GTF2E1: variants seen among roughly 807,000 people sequenced by gnomAD.
GTF2E1 encodes the protein general transcription factor IIE subunit 1.
A neutral mutation model predicts 34.9 loss-of-function variants in GTF2E1; 14 were observed. The observed-to-expected ratio is 0.40, with a 90% CI of 0.27 to 0.63. The LOEUF (loss-of-function observed/expected upper bound fraction) is 0.63, where lower values mean the gene tolerates loss of function less well. GTF2E1 is among the 20% of genes least tolerant of loss of function. The pLI, the probability that GTF2E1 is intolerant of heterozygous loss-of-function variation, is 0.39. For synonymous variants in GTF2E1, 188 were observed against 192.9 expected (o/e 0.97, Z 0.21); for missense variants, 469 against 557.7 (o/e 0.84, Z 1.60).
intron 2 of GTF2E1, among the ~76,000 whole-genome samples, chr3:120,758,519 C>T (rs1709229688): frequency 6.6e-6 from 1 of 151,838 alleles, no homozygotes; most frequent in Non-Finnish European, 1.5e-5. Context: ...TTTGCTGCAC[C>T]CAACAACCCG....
intron 4 of GTF2E1, among the ~76,000 whole-genome samples, chr3:120,779,197 G>A (rs970269965): frequency 6.6e-6 from 1 of 152,090 alleles, no homozygotes; most frequent in African/African-American, 2.4e-5. Context: ...AATCTGTTAC[G>A]TGTGACTTAA....
intron 2 of GTF2E1, among the ~76,000 whole-genome samples, chr3:120,767,660 T>A (rs998624943): frequency 2.6e-5 from 4 of 152,188 alleles, no homozygotes; most frequent in African/African-American, 9.6e-5. Context: ...CCAGTATCCA[T>A]GAAACTGGCA....
intron 2 of GTF2E1, among the ~76,000 whole-genome samples, chr3:120,768,921 T>C (rs1326584268): frequency 1.3e-5 from 2 of 152,222 alleles, no homozygotes; most frequent in Non-Finnish European, 2.9e-5. Context: ...TACATTTCCT[T>C]GAAACACCAT....
At position 120,748,321 on chromosome 3, in the gene GTF2E1, T is replaced by C. The variant is rs1250922738; in HGVS notation, c.-30-2202T>C. On this transcript the variant is annotated intron_variant, in intron 1 of 4. Transcript: ENST00000283875. ...TTTGGTGTTTTAGACATGAAGTCCT[T>C]GCCCATGCCTATGTCCTGAATGGTA... 1.6e-4 allele frequency among the ~76,000 whole-genome samples: 24 copies of C among 152,138 alleles called. No individual in the cohort carries two copies. The East Asian group carries it at 3.1e-3, about 20-fold the overall frequency.
intron 2 of GTF2E1, among the ~76,000 whole-genome samples, chr3:120,757,814 G>A (rs1709221760): frequency 6.6e-6 from 1 of 152,204 alleles, no homozygotes; most frequent in African/African-American, 2.4e-5. Flanking sequence ...AGAGGGAGTT[G>A]AATGTTTTTG....
intron 1 of GTF2E1, chr3:120,750,051 T>C (rs761030540): frequency 1.2e-4 from 18 of 154,834 alleles, no homozygotes; most frequent in Non-Finnish European, 2.4e-4. Context: ...CATGTGTTTA[T>C]TGGTTTGTTG....
intron 2 of GTF2E1, among the ~76,000 whole-genome samples, chr3:120,761,867 T>G (rs1709266684): frequency 6.7e-6 from 1 of 149,664 alleles, no homozygotes. Context: ...CTCGGCTCAC[T>G]GCAAACTCTG....
In GTF2E1 at chr3:120,755,319, C is replaced by T. The variant is rs574481245; in HGVS notation, c.448+4319C>T. Among the ~76,000 whole-genome samples, 28 of 152,212 alleles carry T rather than the reference C, an allele frequency of 1.8e-4. 1 individual carries two copies. Among genetic ancestry groups the T allele is most frequent in the Middle Eastern group, 6.8e-3 (2 of 294 alleles). On this transcript the variant is annotated intron_variant, in intron 2 of 4. Transcript: ENST00000283875. ...TGGACAGATCCATTTCCTGATGGCC[C>T]CATTCATTGAGATTCCTTTTCTGTT...
intron 1 of GTF2E1, among the ~76,000 whole-genome samples, chr3:120,748,748 C>G (rs1709133499): frequency 6.6e-6 from 1 of 152,048 alleles, no homozygotes; most frequent in Non-Finnish European, 1.5e-5. Context: ...TTTTTTGGTT[C>G]CATATGAACT....
chr3:120,766,042 T>A (rs1709304497), intron 2 of GTF2E1, among the ~76,000 whole-genome samples: 1 of 152,180 alleles, frequency 6.6e-6, no homozygotes, highest in African/African-American at 2.4e-5. Context: ...CATTCTTGAG[T>A]AGTATAGTCT....
chr3:120,768,901 A>G (rs1709330170), intron 2 of GTF2E1, among the ~76,000 whole-genome samples: 1 of 152,306 alleles, frequency 6.6e-6, no homozygotes, highest in East Asian at 1.9e-4. Flanking sequence ...GCCTCTTAAT[A>G]TTAGGACCAT....
chr3:120,750,441 A>T (rs1709154669), intron 1 of GTF2E1, 82 bp from the exon 2 acceptor site: 2 of 781,732 alleles, frequency 2.6e-6, no homozygotes, highest in Non-Finnish European at 2.1e-6. Context: ...CACTTTGGGT[A>T]CTTTTCTGGC....
intron 2 of GTF2E1, among the ~76,000 whole-genome samples, chr3:120,761,338 C>T (rs1422851897): frequency 1.3e-5 from 2 of 152,056 alleles, no homozygotes; most frequent in Non-Finnish European, 2.9e-5. Flanking sequence ...GGCTAGCAGT[C>T]TATCTATTTT....
intron 2 of GTF2E1, among the ~76,000 whole-genome samples, chr3:120,763,870 T>G (rs987930460): frequency 6.6e-6 from 1 of 152,176 alleles, no homozygotes; most frequent in Non-Finnish European, 1.5e-5. Context: ...CTCCAGAGGC[T>G]TCTTCTTTCC....
Position 120,776,642 on chromosome 3 carries a change from T to C in GTF2E1, c.870T>C (p.Tyr290=). 6.2e-7 allele frequency: 1 copy of C among 1,613,600 alleles called. No individual in the cohort carries two copies. Among genetic ancestry groups the C allele is most frequent in the Non-Finnish European group, 8.5e-7 (1 of 1,179,802 alleles). ...WLRESTVQGA[Y]GSEDMKEGGI... Reference sequence around the variant, plus strand: ...GAGAAAGCACTGTCCAAGGGGCATATGGTTCTGAAGATATGAAAGAAGGTA... The same window carrying C: ...GAGAAAGCACTGTCCAAGGGGCATACGGTTCTGAAGATATGAAAGAAGGTA... The change falls in exon 4 of 5, where the codon TAT becomes TAC. Residue 290 remains tyrosine, a synonymous_variant. Coordinates refer to ENST00000283875, the MANE Select transcript of GTF2E1 (RefSeq NM_005513.3).
intron 1 of GTF2E1, among the ~76,000 whole-genome samples, chr3:120,745,789 G>A (rs888087947): frequency 2.0e-5 from 3 of 152,142 alleles, no homozygotes; most frequent in Non-Finnish European, 4.4e-5. Context: ...AAATGAAAAC[G>A]GGGTTCAAGT....
chr3:120,761,025 G>A (rs1044219663), intron 2 of GTF2E1, among the ~76,000 whole-genome samples: 9 of 152,116 alleles, frequency 5.9e-5, no homozygotes, highest in South Asian at 2.1e-4. Flanking sequence ...TGTACCTTTG[G>A]TAGAATTCAG....
chr3:120,777,909 A>G (rs1709415093), intron 4 of GTF2E1, among the ~76,000 whole-genome samples: 1 of 152,190 alleles, frequency 6.6e-6, no homozygotes, highest in African/African-American at 2.4e-5. Context: ...TTTTTAGTAG[A>G]GACGGGGTTT....
At chr3:120,750,261 A>G (rs1336234977) in intron 1 of GTF2E1, among the ~76,000 whole-genome samples, 3 of 152,212 alleles carry the variant, frequency 2.0e-5, no homozygotes, top group African/African-American at 7.2e-5. Context: ...GACTTGACGT[A>G]ATATATTGTT....
Sources: allele counts gnomAD v4.1 joint callset (sites outside exome capture counted in the v4.1 genomes callset), GRCh38; gene constraint gnomAD v4.1.1; transcripts MANE v1.5; gene names NCBI Gene and HGNC (gene_info 2026-07-23, HGNC 2026-07-21).